Variants in RIC1 observed in about 807,000 individuals in gnomAD.
The protein encoded by RIC1 is RIC1 partner of RAB6A GEF complex.
RIC1 carries 88 observed loss-of-function variants against 169.0 expected under a neutral mutation model. The ratio of observed to expected loss-of-function variants is 0.52; its 90% CI spans 0.44 to 0.62. The LOEUF (loss-of-function observed/expected upper bound fraction) is 0.62. Among genes scored for constraint, RIC1 ranks in the 20% least tolerant of loss-of-function variants. The pLI, the probability that RIC1 is intolerant of heterozygous loss-of-function variation, is 0.00. For synonymous variants in RIC1, 790 were observed against 601.5 expected (o/e 1.31, Z -4.59); for missense variants, 1,877 against 1,725.5 (o/e 1.09, Z -1.56).
intron 2 of RIC1, among the ~76,000 whole-genome samples, chr9:5,684,563 A>C (rs1204941624): frequency 6.6e-6 from 1 of 152,018 alleles, no homozygotes; most frequent in Non-Finnish European, 1.5e-5. Flanking sequence ...AGTATGTAAA[A>C]ATGCAGTTGA....
At chr9:5,656,715 G>A (rs1317137650) in intron 2 of RIC1, 25 bp downstream of exon 2, 2 of 1,318,268 alleles carry the variant, frequency 1.5e-6, no homozygotes, top group Non-Finnish European at 1.1e-6. Context: ...CCGCTAAATA[G>A]TGTTTTCTTA....
At chr9:5,630,186 G>T (rs1817651947) in intron 1 of RIC1, among the ~76,000 whole-genome samples, 1 of 152,192 alleles carries the variant, frequency 6.6e-6, no homozygotes, top group African/African-American at 2.4e-5. Context: ...TTTGCTTTAA[G>T]TCCTGGTTAT....
chr9:5,660,493 T>C (rs2130483567), intron 2 of RIC1, among the ~76,000 whole-genome samples: 1 of 152,348 alleles, frequency 6.6e-6, no homozygotes, highest in Non-Finnish European at 1.5e-5. Flanking sequence ...TTCCTTTTTC[T>C]CCACAACCTA....
At chr9:5,678,005 A>T (rs1335469594) in intron 2 of RIC1, among the ~76,000 whole-genome samples, 36 of 110,618 alleles carry the variant, frequency 3.3e-4, no homozygotes, top group Non-Finnish European at 5.7e-4. Flanking sequence ...CCCTGCCCCC[A>T]CCCCACAACA....
chr9:5,647,936 G>GGTT (rs575364808), intron 1 of RIC1, among the ~76,000 whole-genome samples: 1 of 121,244 alleles, frequency 8.2e-6, no homozygotes, highest in Non-Finnish European at 1.7e-5. Flanking sequence ...GTGTGGGGGT[G>GGTT]GGTGGTGGTG....
intron 25 of RIC1, 152 bp from the exon 26 acceptor site, chr9:5,773,806 A>C: frequency 1.5e-6 from 1 of 668,790 alleles, no homozygotes; most frequent in Admixed American, 3.0e-5. Context: ...ACAGCCAAGA[A>C]GCCTTTCCTC....
intron 6 of RIC1, among the ~76,000 whole-genome samples, chr9:5,723,734 T>G (rs1823763862): frequency 6.6e-6 from 1 of 152,210 alleles, no homozygotes; most frequent in Admixed American, 6.5e-5. Context: ...TTAATTTTTG[T>G]ATAAGGTGTA....
At chr9:5,701,811 A>G (rs1822239999) in intron 3 of RIC1, among the ~76,000 whole-genome samples, 1 of 152,220 alleles carries the variant, frequency 6.6e-6, no homozygotes, top group Non-Finnish European at 1.5e-5. Flanking sequence ...CATAATTAAA[A>G]TATTGAAGCT....
chr9:5,659,361 G>T (rs906280922), intron 2 of RIC1, among the ~76,000 whole-genome samples: 5 of 152,018 alleles, frequency 3.3e-5, no homozygotes, highest in Non-Finnish European at 7.4e-5. Flanking sequence ...TGTATTTCAG[G>T]ATATAAGTCA....
chr9:5,751,362 C>CT (rs1169258688), intron 12 of RIC1, among the ~76,000 whole-genome samples: 7 of 151,672 alleles, frequency 4.6e-5, no homozygotes, highest in South Asian at 2.1e-4. Flanking sequence ...TTTTGGGGGT[C>CT]TGGGGGGCAG....
intron 15 of RIC1, among the ~76,000 whole-genome samples, chr9:5,755,902 AACAGAGTGAG>A (rs879257932): frequency 1.3e-5 from 2 of 151,560 alleles, no homozygotes; most frequent in Non-Finnish European, 2.9e-5. Context: ...CAGCCTGGGC[AACAGAGTGAG>A]ACCCCGTCTT....
chr9:5,646,956 G>C (rs1364200017), intron 1 of RIC1, among the ~76,000 whole-genome samples: 1 of 152,024 alleles, frequency 6.6e-6, no homozygotes, highest in Admixed American at 6.5e-5. Flanking sequence ...TCTGTTTAGA[G>C]TTTTGATCAC....
At chr9:5,755,882 C>G (rs1461096928) in intron 15 of RIC1, among the ~76,000 whole-genome samples, 1 of 152,006 alleles carries the variant, frequency 6.6e-6, no homozygotes, top group African/African-American at 2.4e-5. Flanking sequence ...GAGATCATGC[C>G]ACTGCACTCC....
At chr9:5,768,728 T>A (rs1289862869) in intron 21 of RIC1, among the ~76,000 whole-genome samples, 1 of 152,216 alleles carries the variant, frequency 6.6e-6, no homozygotes, top group Non-Finnish European at 1.5e-5. Context: ...GTCTGACTTC[T>A]TCTGTCCCCC....
intron 1 of RIC1, among the ~76,000 whole-genome samples, chr9:5,641,613 T>C (rs960927627): frequency 3.3e-5 from 5 of 152,008 alleles, no homozygotes; most frequent in Non-Finnish European, 7.4e-5. Flanking sequence ...TCTATTCTTT[T>C]TTCTTTTGTG....
chr9:5,639,460 T>G (rs1818130877), intron 1 of RIC1, among the ~76,000 whole-genome samples: 1 of 152,222 alleles, frequency 6.6e-6, no homozygotes, highest in African/African-American at 2.4e-5. Context: ...AGAAGATGCT[T>G]GATATTATTT....
chr9:5,742,937 A>T lies in RIC1; in HGVS notation c.970A>T (p.Thr324Ser), dbSNP rs747055659. Reference sequence around the variant, plus strand: ...TCCTGACAATAGTGTTGTAATAGTGACCTGGGAATACGGAGGCCTTTCTTT... The same window carrying T: ...TCCTGACAATAGTGTTGTAATAGTGTCCTGGGAATACGGAGGCCTTTCTTT... Reference protein sequence around the residue: ...WSPDNSVVIVTWEYGGLSLWS... With the variant: ...WSPDNSVVIVSWEYGGLSLWS... Residue 324 changes from threonine to serine, a missense_variant, in exon 9 of 26, where the codon ACC becomes TCC. By Grantham distance (58) the Thr-to-Ser change is moderately conservative. Transcript: ENST00000414202. 1 of 1,613,406 alleles carries T rather than the reference A, an allele frequency of 6.2e-7. No individual in the cohort carries two copies. The highest frequency in any genetic ancestry group is 1.7e-5 in the Admixed American group (1 of 59,954).
intron 12 of RIC1, among the ~76,000 whole-genome samples, chr9:5,752,851 A>T (rs940970656): frequency 3.3e-5 from 5 of 152,202 alleles, no homozygotes; most frequent in African/African-American, 4.8e-5. Flanking sequence ...GGAATGGTTT[A>T]TATCAGCAAA....
In RIC1 at chr9:5,743,065, A is replaced by G. The variant is rs1036343826; in HGVS notation, c.1046+52A>G. On this transcript the variant is annotated intron_variant, in intron 9 of 25. Transcript: ENST00000414202. ...TAAAATAACTCCATTATTTCTCACAATGCATGCATACAAAAACCTTGTGTC... is the reference window on the plus strand; with the variant it reads ...TAAAATAACTCCATTATTTCTCACAGTGCATGCATACAAAAACCTTGTGTC... The G allele has an allele frequency of 7.8e-6, 12 of 1,532,968 alleles. No individual in the cohort carries two copies. The East Asian group carries it at 9.0e-5, about 12-fold the overall frequency. 95.0% of individuals were successfully genotyped at this position (1,532,968 alleles called of 1,614,324 possible). A position where few individuals can be genotyped will look rare whatever the true frequency, so the allele number is the denominator to read the frequency against.
Sources: allele counts gnomAD v4.1 joint callset (sites outside exome capture counted in the v4.1 genomes callset), GRCh38; gene constraint gnomAD v4.1.1; transcripts MANE v1.5; gene names NCBI Gene and HGNC (gene_info 2026-07-23, HGNC 2026-07-21).